Variants in THADA observed in about 807,000 individuals in gnomAD.
THADA encodes the protein tRNA (32-2'-O)-methyltransferase regulator THADA.
Under a neutral mutation model 219.8 loss-of-function variants are expected in THADA, and 213 were observed. The observed-to-expected ratio is 0.97, with a 90% CI of 0.87 to 1.09. The LOEUF (loss-of-function observed/expected upper bound fraction) is 1.09. Among genes scored for constraint, THADA ranks in the 50% least tolerant of loss-of-function variants. THADA has a pLI of 0.00. For missense variants in THADA, 2,956 were observed against 2,311.3 expected (o/e 1.28, Z -5.72); for synonymous variants, 1,018 against 828.9 (o/e 1.23, Z -3.92).
chr2:43,539,533 T>C (rs144233759), intron 21 of THADA, among the ~76,000 whole-genome samples: 2,268 of 152,308 alleles, frequency 0.015, 30 homozygotes, highest in South Asian at 0.047. Context: ...AAGTCAGCAA[T>C]ACGAAGAATC....
chr2:43,583,018 C>T (rs934649792), intron 7 of THADA, among the ~76,000 whole-genome samples: 4 of 152,156 alleles, frequency 2.6e-5, no homozygotes, highest in African/African-American at 9.7e-5. Flanking sequence ...CTCTTCTTTT[C>T]TCCATCTAAT....
intron 26 of THADA, among the ~76,000 whole-genome samples, chr2:43,431,073 G>A (rs772426741): frequency 6.6e-6 from 1 of 152,176 alleles, no homozygotes; most frequent in Non-Finnish European, 1.5e-5. Flanking sequence ...AAAAGCTCAA[G>A]CTAAATATGG....
intron 33 of THADA, 157 bp from the exon 34 acceptor site, chr2:43,291,925 G>A: frequency 1.3e-6 from 1 of 776,074 alleles, no homozygotes; most frequent in South Asian, 2.0e-5. Context: ...TTACCTTTTG[G>A]TTATTAATGC....
chr2:43,390,084 CA>C (rs1240293056), intron 29 of THADA, among the ~76,000 whole-genome samples: 1 of 152,144 alleles, frequency 6.6e-6, no homozygotes. Flanking sequence ...CTCTAAGGCC[CA>C]GGTCCAGAGG....
intron 25 of THADA, among the ~76,000 whole-genome samples, chr2:43,488,059 G>C (rs888783488): frequency 3.3e-5 from 5 of 152,130 alleles, no homozygotes; most frequent in African/African-American, 1.2e-4. Flanking sequence ...TGGTTACCCT[G>C]TTCATCAGTT....
At chr2:43,282,883 T>A (rs982586689) in intron 35 of THADA, among the ~76,000 whole-genome samples, 1 of 152,216 alleles carries the variant, frequency 6.6e-6, no homozygotes, top group South Asian at 2.1e-4. Flanking sequence ...GTGTACAACA[T>A]GCTGGAAACC....
At chr2:43,565,779 C>T (rs914333581) in intron 15 of THADA, 1 of 152,286 alleles carries the variant, frequency 6.6e-6, no homozygotes, top group Non-Finnish European at 1.5e-5. Flanking sequence ...CATATACACA[C>T]ATATACAGGG....
chr2:43,273,589 C>T (rs1007340649), intron 36 of THADA, among the ~76,000 whole-genome samples: 1 of 152,118 alleles, frequency 6.6e-6, no homozygotes, highest in Admixed American at 6.5e-5. Flanking sequence ...GTGCCTGACT[C>T]TGTGATCTGG....
intron 7 of THADA, among the ~76,000 whole-genome samples, chr2:43,585,606 G>A (rs1700944602): frequency 6.6e-6 from 1 of 151,830 alleles, no homozygotes; most frequent in Admixed American, 6.6e-5. Context: ...GCCCAGCCAA[G>A]GATCACCAGA....
chr2:43,363,847 C>T (rs1394298441), intron 29 of THADA, among the ~76,000 whole-genome samples: 1 of 152,132 alleles, frequency 6.6e-6, no homozygotes, highest in Admixed American at 6.5e-5. Flanking sequence ...ATCACTTGTA[C>T]CCAGGAGTTC....
At chr2:43,527,573 C>T (rs1406578293) in intron 22 of THADA, among the ~76,000 whole-genome samples, 1 of 151,308 alleles carries the variant, frequency 6.6e-6, no homozygotes, top group African/African-American at 2.4e-5. Flanking sequence ...AATTTTCAAA[C>T]AGACAAAACA....
intron 31 of THADA, among the ~76,000 whole-genome samples, chr2:43,297,623 G>GC (rs1253060473): frequency 9.8e-6 from 1 of 102,296 alleles, no homozygotes; most frequent in South Asian, 3.2e-4. Flanking sequence ...CGCCCGGCCA[G>GC]CCCCCCCGTC....
At chr2:43,263,091 C>T (rs1271311769) in intron 36 of THADA, among the ~76,000 whole-genome samples, 1 of 152,206 alleles carries the variant, frequency 6.6e-6, no homozygotes, top group East Asian at 1.9e-4. Context: ...CCTACCCCAA[C>T]TCGACACTCC....
intron 16 of THADA, among the ~76,000 whole-genome samples, chr2:43,559,911 C>T (rs920384624): frequency 1.3e-5 from 2 of 152,134 alleles, no homozygotes; most frequent in Non-Finnish European, 2.9e-5. Context: ...TATTACATGT[C>T]CAAGGGAACA....
At chr2:43,316,583 A>G (rs1335908838) in intron 31 of THADA, among the ~76,000 whole-genome samples, 2 of 152,172 alleles carry the variant, frequency 1.3e-5, no homozygotes, top group African/African-American at 4.8e-5. Flanking sequence ...GGTGAACACA[A>G]TGCTGCACGG....
intron 28 of THADA, among the ~76,000 whole-genome samples, chr2:43,405,617 A>G (rs963042705): frequency 2.0e-5 from 3 of 152,220 alleles, no homozygotes; most frequent in Non-Finnish European, 4.4e-5. Context: ...TGCCCTCTGC[A>G]TAGCTCAGGG....
At chr2:43,394,920 C>A (rs1167281628) in intron 29 of THADA, among the ~76,000 whole-genome samples, 3 of 152,244 alleles carry the variant, frequency 2.0e-5, no homozygotes, top group Admixed American at 2.0e-4. Flanking sequence ...GCAACAGCCA[C>A]AACAACCCCA....
At chr2:43,441,120 T>C (rs1224791312) in intron 26 of THADA, among the ~76,000 whole-genome samples, 1 of 152,246 alleles carries the variant, frequency 6.6e-6, no homozygotes, top group Non-Finnish European at 1.5e-5. Context: ...TGCCTGATGG[T>C]GCGGACTTTG....
intron 28 of THADA, among the ~76,000 whole-genome samples, chr2:43,404,379 T>C (rs192719851): frequency 0.012 from 1,879 of 150,418 alleles, 16 homozygotes; most frequent in African/African-American, 0.025. Context: ...TCTTTTCTTT[T>C]TTTTTTTTTT....
Sources: gnomAD v4.1 joint callset for allele counts (sites outside exome capture counted in the v4.1 genomes callset) on GRCh38, gnomAD v4.1.1 for gene constraint, MANE v1.5 for transcripts, NCBI Gene and HGNC (gene_info 2026-07-23, HGNC 2026-07-21) for gene names.